Variants in GALNTL6 observed in about 807,000 individuals in gnomAD.
GALNTL6 encodes polypeptide N-acetylgalactosaminyltransferase like 6.
GALNTL6 carries 46 observed loss-of-function variants against 73.7 expected under a neutral mutation model. The observed-to-expected ratio is 0.62, with a 90% CI of 0.49 to 0.80. The LOEUF is 0.80. Among genes scored for constraint, GALNTL6 ranks in the 30% least tolerant of loss-of-function variants. The pLI is 0.00. For missense variants in GALNTL6, 604 were observed against 755.0 expected, an observed-to-expected ratio of 0.80 and a Z score of 2.34; for synonymous variants, 259 against 263.7, an observed-to-expected ratio of 0.98 and a Z score of 0.17.
intron 3 of GALNTL6, among the ~76,000 whole-genome samples, chr4:172,245,914 G>A (rs1321207841): frequency 6.6e-6 from 1 of 152,106 alleles, no homozygotes; most frequent in East Asian, 1.9e-4. Flanking sequence ...GTTTTGAGCA[G>A]CTTTCATGCC....
chr4:171,961,198 T>C (rs1298385312), intron 2 of GALNTL6, among the ~76,000 whole-genome samples: 1 of 152,196 alleles, frequency 6.6e-6, no homozygotes, highest in Non-Finnish European at 1.5e-5. Flanking sequence ...TGAAATGGCA[T>C]ACTTTCTTTT....
intron 2 of GALNTL6, among the ~76,000 whole-genome samples, chr4:172,197,383 T>C (rs774424106): frequency 2.0e-5 from 3 of 152,180 alleles, no homozygotes; most frequent in Non-Finnish European, 2.9e-5. Flanking sequence ...AATTCATAGA[T>C]TCAATGCTAT....
chr4:172,488,490 C>A (rs1046709300), intron 5 of GALNTL6, among the ~76,000 whole-genome samples: 1 of 152,178 alleles, frequency 6.6e-6, no homozygotes, highest in African/African-American at 2.4e-5. Flanking sequence ...ATAAGCATGG[C>A]TTGTCCCCAT....
intron 2 of GALNTL6, among the ~76,000 whole-genome samples, chr4:172,004,619 G>A (rs1740774673): frequency 6.6e-6 from 1 of 152,026 alleles, no homozygotes; most frequent in Non-Finnish European, 1.5e-5. Flanking sequence ...TTAAAGCAGA[G>A]AAACAGATGC....
intron 4 of GALNTL6, among the ~76,000 whole-genome samples, chr4:172,319,977 A>G (rs1318312031): frequency 2.6e-5 from 4 of 152,138 alleles, no homozygotes; most frequent in African/African-American, 9.7e-5. Context: ...CTTCAGACAG[A>G]TGCAACCAAG....
At chr4:172,396,964 T>C (rs2111315286) in intron 5 of GALNTL6, among the ~76,000 whole-genome samples, 1 of 152,332 alleles carries the variant, frequency 6.6e-6, no homozygotes, top group East Asian at 1.9e-4. Context: ...TTGAAATTTA[T>C]ATTGTTAATG....
At chr4:172,075,966 G>GTAGTGTATTGCATACAGCTCTTTAATC (rs1731690614) in intron 2 of GALNTL6, among the ~76,000 whole-genome samples, 1 of 152,024 alleles carries the variant, frequency 6.6e-6, no homozygotes, top group Non-Finnish European at 1.5e-5. Context: ...GCTCTTTAAT[G>GTAGTGTATTGCATACAGCTCTTTAATC]TATTCACACA....
chr4:172,108,755 T>C (rs1732761877), intron 2 of GALNTL6, among the ~76,000 whole-genome samples: 1 of 152,086 alleles, frequency 6.6e-6, no homozygotes, highest in South Asian at 2.1e-4. Context: ...GTGCTATGGC[T>C]CATCCCAGCA....
chr4:172,368,509 G>T (rs375334873), intron 5 of GALNTL6, among the ~76,000 whole-genome samples: 16 of 152,218 alleles, frequency 1.1e-4, no homozygotes, highest in African/African-American at 3.4e-4. Context: ...AAGCTCTGCT[G>T]CCCTCTCATA....
chr4:172,096,716 G>A (rs980586056), intron 2 of GALNTL6, among the ~76,000 whole-genome samples: 15 of 151,978 alleles, frequency 9.9e-5, no homozygotes, highest in Non-Finnish European at 4.4e-5. Flanking sequence ...CTCCTAAAAT[G>A]TCTAGTGATC....
intron 2 of GALNTL6, among the ~76,000 whole-genome samples, chr4:172,023,863 C>G (rs1470624921): frequency 6.6e-6 from 1 of 151,818 alleles, no homozygotes; most frequent in Non-Finnish European, 1.5e-5. Flanking sequence ...AGTGTTTGCT[C>G]AAAACTCTCA....
At chr4:172,598,407 C>T (rs1308939881) in intron 5 of GALNTL6, among the ~76,000 whole-genome samples, 2 of 152,080 alleles carry the variant, frequency 1.3e-5, no homozygotes, top group Non-Finnish European at 2.9e-5. Context: ...TGAGGACCTT[C>T]GAGATAACTG....
At chr4:171,903,488 G>T (rs1246217540) in intron 2 of GALNTL6, among the ~76,000 whole-genome samples, 2 of 152,046 alleles carry the variant, frequency 1.3e-5, no homozygotes, top group Non-Finnish European at 1.5e-5. Flanking sequence ...GGCTCGGAGG[G>T]TCCCACGCCC....
chr4:172,172,274 T>G (rs1313116380), intron 2 of GALNTL6, among the ~76,000 whole-genome samples: 2 of 152,192 alleles, frequency 1.3e-5, no homozygotes, highest in African/African-American at 2.4e-5. Flanking sequence ...CTCGGCTCAC[T>G]GCAACCTCTG....
At chr4:171,917,057 A>G (rs1368076104) in intron 2 of GALNTL6, among the ~76,000 whole-genome samples, 1 of 152,088 alleles carries the variant, frequency 6.6e-6, no homozygotes, top group African/African-American at 2.4e-5. Context: ...CAGGGCCATC[A>G]GGGTTTGTAC....
chr4:172,977,982 G>A (rs1244054038), intron 10 of GALNTL6, among the ~76,000 whole-genome samples: 1 of 152,116 alleles, frequency 6.6e-6, no homozygotes, highest in East Asian at 1.9e-4. Context: ...TGGGATTACA[G>A]GCACCCGCCA....
chr4:172,465,967 T>A (rs559539848), intron 5 of GALNTL6, among the ~76,000 whole-genome samples: 11 of 152,334 alleles, frequency 7.2e-5, no homozygotes, highest in East Asian at 5.8e-4. Flanking sequence ...TCAGTTTTTT[T>A]AAAAAACTGT....
chr4:171,857,698 G>A (rs1409555115), intron 2 of GALNTL6, among the ~76,000 whole-genome samples: 1 of 152,162 alleles, frequency 6.6e-6, no homozygotes, highest in Non-Finnish European at 1.5e-5. Flanking sequence ...GCAAGAATTG[G>A]TAAGCCTGTT....
intron 2 of GALNTL6, among the ~76,000 whole-genome samples, chr4:172,184,004 G>T (rs1440703396): frequency 6.6e-6 from 1 of 152,030 alleles, no homozygotes; most frequent in East Asian, 1.9e-4. Flanking sequence ...TGTTGGCCAG[G>T]ATGGTCTCGA....
Sources: gnomAD v4.1 joint callset for allele counts (sites outside exome capture counted in the v4.1 genomes callset) on GRCh38, gnomAD v4.1.1 for gene constraint, MANE v1.5 for transcripts, NCBI Gene and HGNC (gene_info 2026-07-23, HGNC 2026-07-21) for gene names.